Variants in CDK20 observed in about 807,000 individuals in gnomAD.
The protein encoded by CDK20 is cyclin dependent kinase 20.
In CDK20, 40 loss-of-function variants were observed where a neutral mutation model predicts 38.6. The observed-to-expected ratio is 1.04, with a 90% CI of 0.81 to 1.35. CDK20 has a LOEUF of 1.35. CDK20 is among the 40% of genes most tolerant of loss of function. The pLI, the probability that CDK20 is intolerant of heterozygous loss-of-function variation, is 0.00. For missense variants in CDK20, 512 were observed against 452.6 expected (o/e 1.13, Z -1.19); for synonymous variants, 209 against 185.7 (o/e 1.13, Z -1.02).
In CDK20 at chr9:87,967,212, G is replaced by C. The variant is rs765098449; in HGVS notation, c.*250C>G. On this transcript the variant is annotated 3_prime_UTR_variant, in exon 8 of 8. Transcript: ENST00000325303. Reference sequence around the variant, plus strand: ...CACTGTCCTGATGGGTACGTCAGTAGCACACAGAAGGTAAGGCTCACCGAG... The same window carrying C: ...CACTGTCCTGATGGGTACGTCAGTACCACACAGAAGGTAAGGCTCACCGAG... 22 of 690,870 alleles carry C rather than the reference G, an allele frequency of 3.2e-5. No individual in the cohort carries two copies. Among genetic ancestry groups the C allele is most frequent in the South Asian group, 3.1e-4 (22 of 69,846 alleles). 42.8% of individuals were successfully genotyped at this position (690,870 alleles called of 1,614,324 possible). A position where few individuals can be genotyped will look rare whatever the true frequency, so the allele number is the denominator to read the frequency against.
chr9:87,971,085 A>C, intron 3 of CDK20, 62 bp downstream of exon 3: 2 of 1,559,554 alleles, frequency 1.3e-6, no homozygotes, highest in Non-Finnish European at 1.8e-6. Flanking sequence ...TACAAGGGCT[A>C]GCCCCATCCC....
chr9:87,967,886 C>G, intron 7 of CDK20: 1 of 499,024 alleles, frequency 2.0e-6, no homozygotes. Flanking sequence ...GGGTAATAAA[C>G]AAGATGAAGT....
chr9:87,971,697 C>T (rs528113356), intron 2 of CDK20, among the ~76,000 whole-genome samples: 3 of 152,204 alleles, frequency 2.0e-5, no homozygotes, highest in African/African-American at 2.4e-5. Flanking sequence ...ATCCCAGCAC[C>T]AAGGAAAGGA....
chr9:87,974,055 C>A lies in CDK20; in HGVS notation c.76-20G>T, dbSNP rs28364935. On this transcript the variant is annotated intron_variant, in intron 1 of 7. Coordinates refer to ENST00000325303, the MANE Select transcript of CDK20 (RefSeq NM_001039803.3). ...GCCAGTCTGCAGGATAGAAGGCAGACACTGCCAGCCCACCCTCGGCTGGGA... is the reference window on the plus strand; with the variant it reads ...GCCAGTCTGCAGGATAGAAGGCAGAAACTGCCAGCCCACCCTCGGCTGGGA... The A allele has an allele frequency of 0.049, 79,744 of 1,613,696 alleles. 3,058 individuals are homozygous for A. Among genetic ancestry groups the A allele is most frequent in the African/African-American group, 0.19 (14,351 of 74,994 alleles).
At chr9:87,967,752 G>T in intron 7 of CDK20, 93 bp from the exon 8 acceptor site, 1 of 1,124,324 alleles carries the variant, frequency 8.9e-7, no homozygotes, top group Non-Finnish European at 1.2e-6. Context: ...GCATTCAGCT[G>T]ACTCAGTGTG....
chr9:87,970,523 A>C lies in CDK20; in HGVS notation c.563+45T>G, dbSNP rs768645695. On this transcript the variant is annotated intron_variant, in intron 5 of 7. Transcript: ENST00000325303. The stretch of plus-strand genomic sequence containing the variant: ...CTCAGAGACCTCAGAGCCTAGCAGA[A>C]ATCCATGAGCCATGTTACCCTTTGA... 1.9e-6 allele frequency: 3 copies of C among 1,565,286 alleles called. No homozygotes were observed. In the South Asian group the frequency reaches 3.4e-5, roughly 18 times the overall value.
At position 87,974,473 on chromosome 9, in the gene CDK20, C is replaced by T; in HGVS notation, c.-27G>A. On this transcript the variant is annotated 5_prime_UTR_variant, in exon 1 of 8. Coordinates refer to ENST00000325303, the MANE Select transcript of CDK20 (RefSeq NM_001039803.3). ...CCGCTGCAGTCGTGGGCCTGTGCCC[C>T]TGTGCCCCTGAACTTCCAAACTCCA... 2.5e-6 allele frequency: 4 copies of T among 1,598,470 alleles called. No individual in the cohort carries two copies. Among genetic ancestry groups the T allele is most frequent in the Non-Finnish European group, 2.6e-6 (3 of 1,172,252 alleles).
At chr9:87,969,482 C>T (rs1194872991) in intron 6 of CDK20, 133 bp from the exon 7 acceptor site, 5 of 1,006,016 alleles carry the variant, frequency 5.0e-6, no homozygotes, top group East Asian at 2.5e-5. Flanking sequence ...CTCCCTGACC[C>T]ATCATTCATT....
Position 87,967,635 on chromosome 9 carries a change from TGAA to T in CDK20, c.865_867del (p.Phe289del), listed in dbSNP as rs1223896558. On this transcript the variant is annotated inframe_deletion, in exon 8 of 8. Coordinates refer to ENST00000325303, the MANE Select transcript of CDK20 (RefSeq NM_001039803.3). Reference sequence around the variant, plus strand: ...GATGGATGGGCAGGCAGGGGAGCTGTGAAGAAGTACTGATGGAGGAGAGCCTGA... The same window carrying T: ...GATGGATGGGCAGGCAGGGGAGCTGTGAAGTACTGATGGAGGAGAGCCTGA... 28 of 1,493,190 alleles carry T rather than the reference TGAA, an allele frequency of 1.9e-5. No individual in the cohort carries two copies. Among genetic ancestry groups the T allele is most frequent in the African/African-American group, 2.8e-5 (2 of 71,504 alleles). 92.5% of individuals were successfully genotyped at this position (1,493,190 alleles called of 1,614,324 possible). A position where few individuals can be genotyped will look rare whatever the true frequency, so the allele number is the denominator to read the frequency against.
chr9:87,967,683 G>C (rs1829528466), intron 7 of CDK20, 24 bp from the exon 8 acceptor site: 1 of 1,457,452 alleles, frequency 6.9e-7, no homozygotes, highest in Non-Finnish European at 9.1e-7. Context: ...GTAAGGAACA[G>C]CAGAAGGAAA....
intron 3 of CDK20, 119 bp from the exon 4 acceptor site, chr9:87,971,016 C>T (rs1829812604): frequency 2.0e-6 from 3 of 1,507,206 alleles, no homozygotes; most frequent in East Asian, 2.3e-5. Context: ...CAGGGCCATG[C>T]CCTGGCCACT....
intron 2 of CDK20, among the ~76,000 whole-genome samples, chr9:87,973,696 G>T (rs1830020408): frequency 6.6e-6 from 1 of 152,210 alleles, no homozygotes; most frequent in Non-Finnish European, 1.5e-5. Context: ...GTAGGCAAAT[G>T]AGAGTGAATG....
At chr9:87,969,597 A>G in intron 6 of CDK20, 199 bp downstream of exon 6, 2 of 870,442 alleles carry the variant, frequency 2.3e-6, no homozygotes, top group Non-Finnish European at 3.5e-6. Context: ...TGGGGTGAAA[A>G]GGGACAAAGG....
intron 5 of CDK20, chr9:87,970,277 A>G (rs1587620498): frequency 4.3e-6 from 2 of 468,122 alleles, no homozygotes; most frequent in East Asian, 3.3e-5. Context: ...GAGATGCCAT[A>G]TCCTAGGATC....
At chr9:87,973,584 C>G (rs1830012215) in intron 2 of CDK20, among the ~76,000 whole-genome samples, 1 of 152,160 alleles carries the variant, frequency 6.6e-6, no homozygotes, top group East Asian at 1.9e-4. Flanking sequence ...TATATAATGC[C>G]TGCAGAACAC....
Position 87,967,432 on chromosome 9 carries a change from G to A in CDK20, c.*30C>T. 6.4e-7 allele frequency: 1 copy of A among 1,550,388 alleles called. No homozygotes were observed. On this transcript the variant is annotated 3_prime_UTR_variant, in exon 8 of 8. Transcript: ENST00000325303. The stretch of plus-strand genomic sequence containing the variant: ...AACAGGTGGACTGAGTGGTCCTGAG[G>A]AGCAGGCAGACGGGACCAGGGCCAA...
chr9:87,971,491 C>G (rs570185975), intron 2 of CDK20, among the ~76,000 whole-genome samples, 156 bp from the exon 3 acceptor site: 3 of 152,174 alleles, frequency 2.0e-5, no homozygotes, highest in Non-Finnish European at 4.4e-5. Flanking sequence ...TCAGAGAGCT[C>G]GATGCTCATG....
At position 87,971,210 on chromosome 9, in the gene CDK20, C is replaced by CTTGA; in HGVS notation, c.311_314dup (p.Lys105AsnfsTer79). ...CCTTGAGCAGCATCTGCAGGTAGCT[C>CTTGA]TTGACCTGTGCCTGGGCTAGTGGCC... On this transcript the variant is annotated frameshift_variant, in exon 3 of 8. Transcript: ENST00000325303. LOFTEE classifies it high-confidence loss of function. The CTTGA allele has an allele frequency of 6.2e-7, 1 of 1,614,208 alleles. No homozygotes were observed. Among genetic ancestry groups the CTTGA allele is most frequent in the Non-Finnish European group, 8.5e-7 (1 of 1,180,038 alleles).
chr9:87,969,143 G>T lies in CDK20; in HGVS notation c.843+51C>A, dbSNP rs28364964. 5 of 1,596,374 alleles carry T rather than the reference G, an allele frequency of 3.1e-6. No homozygotes were observed. In the African/African-American group the frequency reaches 6.7e-5, roughly 21 times the overall value. ...ATGGCTACCAAGTACAGAGTACCAG[G>T]GTGATGGGGAGGGGAGCTGAAGGAG... On this transcript the variant is annotated intron_variant, in intron 7 of 7. Coordinates refer to ENST00000325303, the MANE Select transcript of CDK20 (RefSeq NM_001039803.3).
Sources: gnomAD v4.1 joint callset for allele counts (sites outside exome capture counted in the v4.1 genomes callset) on GRCh38, gnomAD v4.1.1 for gene constraint, MANE v1.5 for transcripts, NCBI Gene and HGNC (gene_info 2026-07-23, HGNC 2026-07-21) for gene names.